The following TRAPPC9 variants were observed in gnomAD, a reference collection of about 807,000 sequenced individuals.
TRAPPC9 encodes trafficking protein particle complex subunit 9, also known as IKK2 binding protein.
Under a neutral mutation model 124.0 loss-of-function variants are expected in TRAPPC9, and 83 were observed. The ratio of observed to expected loss-of-function variants is 0.67; its 90% CI spans 0.56 to 0.80. TRAPPC9 has a LOEUF of 0.80. Among genes scored for constraint, TRAPPC9 ranks in the 30% least tolerant of loss-of-function variants. TRAPPC9 has a pLI of 0.00. For missense variants in TRAPPC9, 1,302 were observed against 1,508.3 expected (o/e 0.86, Z 2.27); for synonymous variants, 638 against 617.5 (o/e 1.03, Z -0.49).
At chr8:139,990,910 A>G (rs1458893356) in intron 18 of TRAPPC9, among the ~76,000 whole-genome samples, 1 of 152,170 alleles carries the variant, frequency 6.6e-6, no homozygotes, top group African/African-American at 2.4e-5. Context: ...TATATCATGT[A>G]GCACAGCGTC....
intron 17 of TRAPPC9, among the ~76,000 whole-genome samples, chr8:140,185,875 A>T (rs963997356): frequency 6.6e-6 from 1 of 152,224 alleles, no homozygotes; most frequent in Non-Finnish European, 1.5e-5. Context: ...CTACAGGCTC[A>T]GGGTGCAATT....
intron 21 of TRAPPC9, among the ~76,000 whole-genome samples, chr8:139,767,502 T>C (rs1438128035): frequency 6.6e-6 from 1 of 152,048 alleles, no homozygotes; most frequent in African/African-American, 2.4e-5. Flanking sequence ...CCTCCAATGC[T>C]GGGTGAGACG....
chr8:139,978,891 C>T (rs1265393617), intron 19 of TRAPPC9, among the ~76,000 whole-genome samples: 2 of 101,520 alleles, frequency 2.0e-5, no homozygotes, highest in African/African-American at 6.3e-5. Context: ...CTGCTCCGTC[C>T]AGAGCACTCT....
chr8:140,366,867 T>TA (rs2068127182), intron 8 of TRAPPC9, among the ~76,000 whole-genome samples: 1 of 152,032 alleles, frequency 6.6e-6, no homozygotes, highest in African/African-American at 2.4e-5. Context: ...AAAAAACTCT[T>TA]AAAGTCAACA....
intron 9 of TRAPPC9, among the ~76,000 whole-genome samples, chr8:140,335,596 T>A (rs1262684559): frequency 6.6e-6 from 1 of 152,060 alleles, no homozygotes; most frequent in East Asian, 1.9e-4. Flanking sequence ...GAAACTGAAG[T>A]TCAGAGGTCA....
intron 10 of TRAPPC9, among the ~76,000 whole-genome samples, 195 bp downstream of exon 10, chr8:140,311,053 C>T (rs982466893): frequency 1.2e-4 from 19 of 152,134 alleles, no homozygotes; most frequent in South Asian, 2.1e-4. Flanking sequence ...TACAGAATGT[C>T]GCTGGCCCTG....
Position 140,050,480 on chromosome 8 carries a change from G to A in TRAPPC9, c.2557-26401C>T, listed in dbSNP as rs569060306. Among the ~76,000 whole-genome samples, 4 of 152,198 alleles carry A rather than the reference G, an allele frequency of 2.6e-5. No homozygotes were observed. The South Asian group carries it at 8.3e-4, about 32-fold the overall frequency. Reference sequence around the variant, plus strand: ...ATGTTGTGCCTCTACCAGGTGAGATGCCCAACCCCAACTCCCACCCCAGGT... The same window carrying A: ...ATGTTGTGCCTCTACCAGGTGAGATACCCAACCCCAACTCCCACCCCAGGT... On this transcript the variant is annotated intron_variant, in intron 17 of 22. Transcript: ENST00000438773.
chr8:139,750,072 G>A (rs559741515), intron 21 of TRAPPC9, among the ~76,000 whole-genome samples: 1 of 152,208 alleles, frequency 6.6e-6, no homozygotes, highest in South Asian at 2.1e-4. Flanking sequence ...ATCTCAGCTG[G>A]GAGTGGTGGG....
chr8:140,051,355 G>A lies in TRAPPC9; in HGVS notation c.2557-27276C>T, dbSNP rs116301837. 3.6e-3 allele frequency among the ~76,000 whole-genome samples: 551 copies of A among 152,314 alleles called. 2 individuals are homozygous for A. Among genetic ancestry groups the A allele is most frequent in the African/African-American group, 0.013 (532 of 41,564 alleles). On this transcript the variant is annotated intron_variant, in intron 17 of 22. Coordinates refer to ENST00000438773, the MANE Select transcript of TRAPPC9 (RefSeq NM_001160372.4). Reference sequence around the variant, plus strand: ...CGGGGGTTCCTGTAAGCCCTGCACCGTTGGTCGGTCATTTTTCACATGGGT... The same window carrying A: ...CGGGGGTTCCTGTAAGCCCTGCACCATTGGTCGGTCATTTTTCACATGGGT...
rs556242175 is a variant in TRAPPC9, at chr8:139,800,178, C to A, written c.3056-67976G>T. Among the ~76,000 whole-genome samples the A allele has an allele frequency of 2.8e-4, 43 of 152,360 alleles. 1 individual carries two copies. The South Asian group carries it at 8.3e-3, about 29-fold the overall frequency. On this transcript the variant is annotated intron_variant, in intron 21 of 22. Transcript: ENST00000438773. ...GCGCCTTTGGCTGAGGTCCCCAGCC[C>A]GCTGTGCTGTGTGGTGCTGTGAGAC...
intron 21 of TRAPPC9, among the ~76,000 whole-genome samples, chr8:139,779,524 G>A (rs1278637514): frequency 1.3e-5 from 2 of 152,142 alleles, no homozygotes; most frequent in Admixed American, 1.3e-4. Context: ...TATAATGTAT[G>A]TATAAATAAA....
intron 9 of TRAPPC9, among the ~76,000 whole-genome samples, chr8:140,341,559 T>C (rs1013481813): frequency 6.6e-6 from 1 of 152,188 alleles, no homozygotes; most frequent in Non-Finnish European, 1.5e-5. Flanking sequence ...AGCTTCAGTT[T>C]GCATCAAAGG....
At chr8:140,329,371 C>G (rs2066833991) in intron 9 of TRAPPC9, among the ~76,000 whole-genome samples, 1 of 152,138 alleles carries the variant, frequency 6.6e-6, no homozygotes, top group South Asian at 2.1e-4. Flanking sequence ...ATGCAGGAAC[C>G]CAGCAGCAAC....
chr8:139,834,925 G>A (rs972684023), intron 21 of TRAPPC9, among the ~76,000 whole-genome samples: 6 of 152,162 alleles, frequency 3.9e-5, no homozygotes, highest in African/African-American at 9.7e-5. Context: ...CCACCACCCC[G>A]TGGCAGTCAT....
intron 17 of TRAPPC9, among the ~76,000 whole-genome samples, chr8:140,220,079 G>A (rs892533226): frequency 1.2e-4 from 18 of 152,156 alleles, no homozygotes; most frequent in Admixed American, 1.2e-3. Flanking sequence ...CACCAACAAA[G>A]CAGAGACGTC....
chr8:140,155,814 T>C (rs2061618744), intron 17 of TRAPPC9, among the ~76,000 whole-genome samples: 1 of 152,230 alleles, frequency 6.6e-6, no homozygotes, highest in Admixed American at 6.5e-5. Flanking sequence ...AAAGGGGTTA[T>C]GTTCTAACAA....
At chr8:140,037,354 C>G (rs985609557) in intron 17 of TRAPPC9, among the ~76,000 whole-genome samples, 3 of 151,746 alleles carry the variant, frequency 2.0e-5, no homozygotes, top group Admixed American at 6.6e-5. Flanking sequence ...ATTATTATTA[C>G]TAAATCAGTA....
At chr8:139,832,567 C>T (rs1465836998) in intron 21 of TRAPPC9, among the ~76,000 whole-genome samples, 1 of 152,176 alleles carries the variant, frequency 6.6e-6, no homozygotes, top group Non-Finnish European at 1.5e-5. Context: ...TCAGCTTTGC[C>T]ACCTTGAACT....
intron 17 of TRAPPC9, among the ~76,000 whole-genome samples, chr8:140,115,935 AGGTGC>A (rs1470820547): frequency 2.0e-5 from 3 of 152,192 alleles, no homozygotes; most frequent in African/African-American, 7.2e-5. Flanking sequence ...GGCGCACAAC[AGGTGC>A]GGATTATGAT....
Sources: gnomAD v4.1 joint callset for allele counts (sites outside exome capture counted in the v4.1 genomes callset) on GRCh38, gnomAD v4.1.1 for gene constraint, MANE v1.5 for transcripts, NCBI Gene and HGNC (gene_info 2026-07-23, HGNC 2026-07-21) for gene names.